The following PLEKHA2 variants were observed in gnomAD, a reference collection of about 807,000 sequenced individuals.
The protein encoded by PLEKHA2 is pleckstrin homology domain-containing family A member 2.
PLEKHA2 carries 28 observed loss-of-function variants against 53.2 expected under a neutral mutation model. The ratio of observed to expected loss-of-function variants is 0.53; its 90% CI spans 0.39 to 0.72. The LOEUF is 0.72. Ranked by LOEUF, PLEKHA2 falls within the 30% of genes least tolerant of loss-of-function variation. PLEKHA2 has a pLI of 0.00. For missense variants in PLEKHA2, 426 were observed against 537.9 expected, an observed-to-expected ratio of 0.79 and a Z score of 2.06; for synonymous variants, 193 against 196.4, an observed-to-expected ratio of 0.98 and a Z score of 0.14.
chr8:38,911,112 T>C (rs1026659115), intron 1 of PLEKHA2, among the ~76,000 whole-genome samples: 2 of 152,206 alleles, frequency 1.3e-5, no homozygotes, highest in Non-Finnish European at 2.9e-5. Flanking sequence ...ATACCCTGTG[T>C]GCTTTGTTAG....
intron 3 of PLEKHA2, 118 bp from the exon 4 acceptor site, chr8:38,943,671 T>C (rs1834653243): frequency 6.7e-6 from 5 of 745,934 alleles, no homozygotes; most frequent in Admixed American, 3.4e-5. Context: ...AATTATTATT[T>C]TTTAAAAATG....
At chr8:38,951,926 T>C (rs564951370) in intron 6 of PLEKHA2, among the ~76,000 whole-genome samples, 317 of 152,296 alleles carry the variant, frequency 2.1e-3, no homozygotes, top group Non-Finnish European at 3.7e-3. Flanking sequence ...ATTTTTAATT[T>C]TTTTGTAGAG....
intron 9 of PLEKHA2, among the ~76,000 whole-genome samples, chr8:38,953,625 A>G (rs1387580062): frequency 2.6e-5 from 4 of 152,122 alleles, no homozygotes; most frequent in African/African-American, 9.7e-5. Flanking sequence ...GGTGGGCAAA[A>G]AGAAAGGGTA....
At chr8:38,928,256 T>C (rs921352092) in intron 2 of PLEKHA2, among the ~76,000 whole-genome samples, 2 of 145,496 alleles carry the variant, frequency 1.4e-5, no homozygotes, top group African/African-American at 5.1e-5. Context: ...TTTTTTTTTT[T>C]CTTTTTGAGA....
chr8:38,905,832 A>G (rs1056003124), intron 1 of PLEKHA2, among the ~76,000 whole-genome samples: 1 of 152,030 alleles, frequency 6.6e-6, no homozygotes, highest in South Asian at 2.1e-4. Flanking sequence ...CTACAGGCGC[A>G]TGCCACCACG....
At chr8:38,948,687 C>T (rs1302855376) in intron 5 of PLEKHA2, among the ~76,000 whole-genome samples, 2 of 152,084 alleles carry the variant, frequency 1.3e-5, no homozygotes, top group Admixed American at 6.5e-5. Flanking sequence ...GCTCTGAGCT[C>T]GGATCCTTAG....
intron 3 of PLEKHA2, 131 bp from the exon 4 acceptor site, chr8:38,943,658 T>A (rs1231943794): frequency 1.4e-6 from 1 of 691,676 alleles, no homozygotes; most frequent in African/African-American, 1.8e-5. Flanking sequence ...AGGGTTTTCA[T>A]TTAATTATTA....
intron 5 of PLEKHA2, among the ~76,000 whole-genome samples, chr8:38,949,378 A>G (rs1834782884): frequency 6.6e-6 from 1 of 152,182 alleles, no homozygotes; most frequent in African/African-American, 2.4e-5. Flanking sequence ...TCTGCTGGGG[A>G]GAATGGTAGG....
rs1398849248 is a variant in PLEKHA2 at position 38,973,462 on chromosome 8, TATAA to T, written c.*3682_*3685del. 6.6e-6 allele frequency: 1 copy of T among 151,966 alleles called. No individual in the cohort carries two copies. Among genetic ancestry groups the T allele is most frequent in the Non-Finnish European group, 1.5e-5 (1 of 68,008 alleles). 9.4% of individuals were successfully genotyped at this position (151,966 alleles called of 1,614,324 possible). On this transcript the variant is annotated 3_prime_UTR_variant, in exon 12 of 12. Coordinates refer to ENST00000617275, the MANE Select transcript of PLEKHA2 (RefSeq NM_021623.2). ...TGGAGTTTAGTAGGTTTGTTTTCAG[TATAA>T]ATTAGATAACATGTGGAGGTCACAG...
At chr8:38,945,968 C>T (rs1054736284) in intron 4 of PLEKHA2, among the ~76,000 whole-genome samples, 156 bp from the exon 5 acceptor site, 6 of 152,100 alleles carry the variant, frequency 3.9e-5, no homozygotes, top group African/African-American at 1.4e-4. Flanking sequence ...TCCTAGATAT[C>T]CAGGCAAATG....
At chr8:38,904,783 TGG>T (rs1833844990) in intron 1 of PLEKHA2, among the ~76,000 whole-genome samples, 1 of 152,280 alleles carries the variant, frequency 6.6e-6, no homozygotes, top group East Asian at 1.9e-4. Context: ...GTTAGAGGGA[TGG>T]AGGTGCGCAT....
chr8:38,950,730 C>G, intron 5 of PLEKHA2, 120 bp from the exon 6 acceptor site: 1 of 1,275,802 alleles, frequency 7.8e-7, no homozygotes, highest in Admixed American at 2.5e-5. Flanking sequence ...GGGGAGGACA[C>G]GCAAGTCTGA....
chr8:38,937,997 G>C (rs933272065), intron 3 of PLEKHA2, among the ~76,000 whole-genome samples: 13 of 152,328 alleles, frequency 8.5e-5, no homozygotes, highest in Admixed American at 5.2e-4. Flanking sequence ...CCTTTGGAGA[G>C]ACAGAGATGA....
chr8:38,921,047 G>A (rs192894975), intron 2 of PLEKHA2, among the ~76,000 whole-genome samples: 10 of 150,782 alleles, frequency 6.6e-5, no homozygotes, highest in African/African-American at 9.7e-5. Flanking sequence ...GTGATCCACC[G>A]GCCTCGGCCT....
chr8:38,947,923 C>T (rs898811714), intron 5 of PLEKHA2, among the ~76,000 whole-genome samples: 75 of 151,640 alleles, frequency 4.9e-4, no homozygotes, highest in African/African-American at 1.8e-3. Flanking sequence ...CCCGTCTCTA[C>T]TAAAAATATA....
At chr8:38,968,302 G>C (rs1206628694) in intron 10 of PLEKHA2, among the ~76,000 whole-genome samples, 2 of 152,132 alleles carry the variant, frequency 1.3e-5, no homozygotes, top group African/African-American at 2.4e-5. Context: ...TTTTCTGGAG[G>C]GGGTGATGGA....
chr8:38,949,345 A>G (rs1220906207), intron 5 of PLEKHA2, among the ~76,000 whole-genome samples: 1 of 152,124 alleles, frequency 6.6e-6, no homozygotes, highest in Non-Finnish European at 1.5e-5. Context: ...GATAAGTGAC[A>G]TTTGACCCCT....
chr8:38,960,204 T>C (rs1418468520), intron 10 of PLEKHA2, among the ~76,000 whole-genome samples: 3 of 152,180 alleles, frequency 2.0e-5, no homozygotes, highest in Non-Finnish European at 2.9e-5. Flanking sequence ...AGCGTCACAC[T>C]GAATAAGTAA....
rs565527440 is a variant in PLEKHA2, at chr8:38,941,745, A to G, written c.199-2044A>G. 2.6e-5 allele frequency among the ~76,000 whole-genome samples: 4 copies of G among 152,376 alleles called. No homozygotes were observed. The East Asian group carries it at 5.8e-4, about 22-fold the overall frequency. ...GTGGAAGAATGACTGTCTTACCTGC[A>G]CTATCATATTTAACCCTCATGATAA... On this transcript the variant is annotated intron_variant, in intron 3 of 11. Transcript: ENST00000617275.
Sources: gnomAD v4.1 joint callset for allele counts (sites outside exome capture counted in the v4.1 genomes callset) on GRCh38, gnomAD v4.1.1 for gene constraint, MANE v1.5 for transcripts, NCBI Gene and HGNC (gene_info 2026-07-23, HGNC 2026-07-21) for gene names.